Variants in FAM135B observed in about 807,000 individuals in gnomAD.
FAM135B encodes protein FAM135B.
FAM135B carries 43 observed loss-of-function variants against 127.7 expected under a neutral mutation model. The observed-to-expected ratio is 0.34, with a 90% confidence interval of 0.26 to 0.43. The LOEUF (loss-of-function observed/expected upper bound fraction) is 0.43, where lower values mean the gene tolerates loss of function less well. Among genes scored for constraint, FAM135B ranks in the 20% least tolerant of loss-of-function variants. The pLI is 1.00. For missense variants in FAM135B, 1,558 were observed against 1,725.6 expected, an observed-to-expected ratio of 0.90 and a Z score of 1.72; for synonymous variants, 670 against 665.1, an observed-to-expected ratio of 1.01 and a Z score of -0.11.
intron 1 of FAM135B, among the ~76,000 whole-genome samples, chr8:138,400,363 G>A (rs1833089950): frequency 6.6e-6 from 1 of 152,166 alleles, no homozygotes; most frequent in African/African-American, 2.4e-5. Flanking sequence ...TAAGTGGAGA[G>A]CAGAATGCAG....
At chr8:138,365,888 C>A (rs1267086871) in intron 2 of FAM135B, among the ~76,000 whole-genome samples, 1 of 152,096 alleles carries the variant, frequency 6.6e-6, no homozygotes, top group Non-Finnish European at 1.5e-5. Flanking sequence ...CGGGATTCTG[C>A]CATACAGAAA....
At chr8:138,349,348 C>A (rs966809067) in intron 2 of FAM135B, among the ~76,000 whole-genome samples, 2 of 152,182 alleles carry the variant, frequency 1.3e-5, no homozygotes, top group Non-Finnish European at 2.9e-5. Flanking sequence ...GGATCCTGCA[C>A]CCTTCACAGA....
At chr8:138,495,626 C>T (rs76435812) in intron 1 of FAM135B, among the ~76,000 whole-genome samples, 1,539 of 152,282 alleles carry the variant, frequency 0.01, 23 homozygotes, top group African/African-American at 0.035. Flanking sequence ...CCTACATGCA[C>T]GAACTTTCAG....
At chr8:138,198,995 C>T (rs956574989) in intron 7 of FAM135B, among the ~76,000 whole-genome samples, 1 of 152,162 alleles carries the variant, frequency 6.6e-6, no homozygotes, top group Non-Finnish European at 1.5e-5. Context: ...CTGGAAGAAA[C>T]GCCAGGTGAG....
intron 11 of FAM135B, among the ~76,000 whole-genome samples, chr8:138,171,181 ATC>A (rs1408901068): frequency 6.6e-6 from 1 of 151,906 alleles, no homozygotes; most frequent in Non-Finnish European, 1.5e-5. Flanking sequence ...ATTTCTTCTC[ATC>A]TCTCTCTCTC....
At chr8:138,351,572 C>T (rs913343446) in intron 2 of FAM135B, among the ~76,000 whole-genome samples, 8 of 151,872 alleles carry the variant, frequency 5.3e-5, no homozygotes, top group African/African-American at 1.7e-4. Flanking sequence ...CTAGACCCAA[C>T]AACTGTGACA....
chr8:138,152,119 C>T lies in FAM135B; in HGVS notation c.2356G>A (p.Ala786Thr), dbSNP rs780676102. Residue 786 changes from alanine (A) to threonine (T), a missense_variant, in exon 13 of 20, where the codon GCG becomes ACG. Physicochemically the swap from Ala to Thr is moderately conservative, Grantham distance 58 (BLOSUM62 0). Coordinates refer to ENST00000395297, the MANE Select transcript of FAM135B (RefSeq NM_015912.4). ...ISSPEEAAED[A>T]DTKQQDGGFA... is the part of the protein sequence containing the mutation. ...CCTCCATCTTGCTGCTTGGTGTCCG[C>T]ATCTTCAGCAGCCTCCTCTGGGCTA... 29 of 1,613,852 alleles carry T rather than the reference C, an allele frequency of 1.8e-5. No individual in the cohort carries two copies. Among genetic ancestry groups the T allele is most frequent in the East Asian group, 4.5e-5 (2 of 44,866 alleles).
At chr8:138,482,082 C>G (rs995695977) in intron 1 of FAM135B, among the ~76,000 whole-genome samples, 1 of 152,146 alleles carries the variant, frequency 6.6e-6, no homozygotes, top group Non-Finnish European at 1.5e-5. Flanking sequence ...ACATCATGCC[C>G]AAGCTTCAGC....
At chr8:138,186,556 T>C (rs1402958161) in intron 9 of FAM135B, among the ~76,000 whole-genome samples, 1 of 152,106 alleles carries the variant, frequency 6.6e-6, no homozygotes, top group Non-Finnish European at 1.5e-5. Flanking sequence ...TTTCTTCCAT[T>C]GCAATGACCG....
rs73719211 is a variant in FAM135B, at chr8:138,296,246, C to T, written c.157+14595G>A. 3.9e-3 allele frequency among the ~76,000 whole-genome samples: 596 copies of T among 152,264 alleles called. 3 individuals carry two copies. The highest frequency in any genetic ancestry group is 0.013 in the African/African-American group (560 of 41,544). On this transcript the variant is annotated intron_variant, in intron 3 of 19. Transcript: ENST00000395297. ...ATGTTCACACAGCCTCAGAAGGCCT[C>T]GGCTGGCTTCCTTTCAAATTTCACA...
At chr8:138,272,857 T>C (rs187095509) in intron 3 of FAM135B, among the ~76,000 whole-genome samples, 8 of 152,300 alleles carry the variant, frequency 5.3e-5, no homozygotes, top group African/African-American at 1.9e-4. Flanking sequence ...TGTAGGCACA[T>C]AGATTTGAGT....
intron 4 of FAM135B, among the ~76,000 whole-genome samples, chr8:138,256,968 G>A (rs1027923732): frequency 6.6e-6 from 1 of 152,186 alleles, no homozygotes; most frequent in Non-Finnish European, 1.5e-5. Context: ...AAATAGAAGG[G>A]ATATACATAC....
At chr8:138,347,401 T>G (rs2131095618) in intron 2 of FAM135B, among the ~76,000 whole-genome samples, 1 of 152,282 alleles carries the variant, frequency 6.6e-6, no homozygotes, top group African/African-American at 2.4e-5. Context: ...CTTATAGAAG[T>G]CTGGGATCCT....
At chr8:138,292,873 T>G (rs1339097491) in intron 3 of FAM135B, among the ~76,000 whole-genome samples, 3 of 151,862 alleles carry the variant, frequency 2.0e-5, no homozygotes, top group Admixed American at 1.3e-4. Flanking sequence ...CAAAATACCG[T>G]CATCTTTCAC....
chr8:138,278,775 T>C (rs957414842), intron 3 of FAM135B, among the ~76,000 whole-genome samples: 4 of 151,814 alleles, frequency 2.6e-5, no homozygotes, highest in Admixed American at 1.3e-4. Context: ...CGTTGGCCAG[T>C]CTGGAGAACA....
chr8:138,268,152 C>A (rs1345681020), intron 3 of FAM135B, among the ~76,000 whole-genome samples: 1 of 152,124 alleles, frequency 6.6e-6, no homozygotes, highest in African/African-American at 2.4e-5. Context: ...TGGACACAGC[C>A]ACACTGACCT....
intron 1 of FAM135B, among the ~76,000 whole-genome samples, chr8:138,467,864 T>C (rs926027076): frequency 3.3e-5 from 5 of 152,220 alleles, no homozygotes; most frequent in African/African-American, 1.2e-4. Context: ...AATAGTATTA[T>C]GAAATATCAT....
At position 138,480,478 on chromosome 8, in the gene FAM135B, AAGAC is replaced by A. The variant is rs575440200; in HGVS notation, c.-20+16189_-20+16192del. ...CTATGGTGTGGAAGCCCTGTGGAGA[AAGAC>A]AGACTGTGAAATAGGCTCAATATTC... On this transcript the variant is annotated intron_variant, in intron 1 of 19. Transcript: ENST00000395297. Among the ~76,000 whole-genome samples the A allele has an allele frequency of 7.2e-4, 110 of 152,346 alleles. 1 individual carries two copies. The highest frequency in any genetic ancestry group is 1.2e-3 in the Non-Finnish European group (80 of 68,032).
intron 2 of FAM135B, among the ~76,000 whole-genome samples, chr8:138,358,895 C>T (rs1201804002): frequency 6.6e-6 from 1 of 152,082 alleles, no homozygotes; most frequent in African/African-American, 2.4e-5. Flanking sequence ...CATTTTAAAT[C>T]TCAGCAGGTC....
Sources: allele counts gnomAD v4.1 joint callset (sites outside exome capture counted in the v4.1 genomes callset), GRCh38; gene constraint gnomAD v4.1.1; transcripts MANE v1.5; gene names NCBI Gene and HGNC (gene_info 2026-07-23, HGNC 2026-07-21).